Variants in DNAJB14 observed in about 807,000 individuals in gnomAD.
DNAJB14 encodes the protein DnaJ heat shock protein family (Hsp40) member B14, also known as dnaJ homolog subfamily B member 14.
In DNAJB14, 22 loss-of-function variants were observed where a neutral mutation model predicts 48.4. The observed-to-expected ratio is 0.45, with a 90% CI of 0.32 to 0.65. The LOEUF (loss-of-function observed/expected upper bound fraction) is 0.65. Among genes scored for constraint, DNAJB14 ranks in the 30% least tolerant of loss-of-function variants. The pLI, the probability that DNAJB14 is intolerant of heterozygous loss-of-function variation, is 0.03. For synonymous variants in DNAJB14, 142 were observed against 158.7 expected, an observed-to-expected ratio of 0.89 and a Z score of 0.79; for missense variants, 319 against 458.8, an observed-to-expected ratio of 0.70 and a Z score of 2.78.
At chr4:99,917,935 C>A (rs373835489) in intron 3 of DNAJB14, among the ~76,000 whole-genome samples, 1 of 152,090 alleles carries the variant, frequency 6.6e-6, no homozygotes, top group East Asian at 1.9e-4. Context: ...AGTTTGACAA[C>A]GATGTGTCTT....
intron 7 of DNAJB14, 64 bp downstream of exon 7, chr4:99,903,662 C>A: frequency 1.3e-6 from 2 of 1,493,144 alleles, no homozygotes; most frequent in Non-Finnish European, 1.8e-6. Flanking sequence ...ATAGGGAAAT[C>A]TACATTAATC....
chr4:99,899,211 A>T lies in DNAJB14; in HGVS notation c.*1817T>A, dbSNP rs1467562793. 1 of 151,964 alleles carries T rather than the reference A, an allele frequency of 6.6e-6. No individual in the cohort carries two copies. The highest frequency in any genetic ancestry group is 1.9e-4 in the East Asian group (1 of 5,204). The allele number at this position is 151,964 out of a possible 1,614,324, so 9.4% of individuals were successfully genotyped here. ...AGTTCACAGAATTATCAGCCATAAT[A>T]GTGTAAATTTGCCATTAAAATTAGA... On this transcript the variant is annotated 3_prime_UTR_variant, in exon 8 of 8. Transcript: ENST00000442697.
At chr4:99,934,352 A>G (rs1234505186) in intron 1 of DNAJB14, among the ~76,000 whole-genome samples, 4 of 152,238 alleles carry the variant, frequency 2.6e-5, no homozygotes, top group Non-Finnish European at 2.9e-5. Context: ...AAAAAGGATG[A>G]GTATGAATTA....
intron 1 of DNAJB14, among the ~76,000 whole-genome samples, chr4:99,930,822 G>C (rs1326461941): frequency 6.6e-6 from 1 of 152,126 alleles, no homozygotes; most frequent in Non-Finnish European, 1.5e-5. Flanking sequence ...AGAATGTTAA[G>C]TTAAAGCTAG....
rs189945637 is a variant in DNAJB14 at position 99,897,615 on chromosome 4, T to G, written c.*3413A>C. ...AGACAAGTTTCTTTTCATTGGTTTA[T>G]AGGGAATTTTATGGATTTTAACTAG... On this transcript the variant is annotated 3_prime_UTR_variant, in exon 8 of 8. Transcript: ENST00000442697. 6.6e-6 allele frequency: 1 copy of G among 152,010 alleles called. No individual in the cohort carries two copies. The highest frequency in any genetic ancestry group is 2.4e-5 in the African/African-American group (1 of 41,440). 9.4% of individuals were successfully genotyped at this position (152,010 alleles called of 1,614,324 possible).
At chr4:99,922,866 T>G in intron 3 of DNAJB14, 174 bp downstream of exon 3, 1 of 639,280 alleles carries the variant, frequency 1.6e-6, no homozygotes, top group Non-Finnish European at 2.5e-6. Context: ...CAAACTGCAT[T>G]TGTTTGCCTT....
At chr4:99,911,361 T>C (rs1725654877) in intron 3 of DNAJB14, among the ~76,000 whole-genome samples, 1 of 152,220 alleles carries the variant, frequency 6.6e-6, no homozygotes, top group Admixed American at 6.5e-5. Context: ...TATATTCATG[T>C]ACAGGATTAG....
intron 1 of DNAJB14, among the ~76,000 whole-genome samples, chr4:99,945,685 T>C (rs1205316312): frequency 3.3e-5 from 5 of 152,246 alleles, no homozygotes; most frequent in African/African-American, 9.6e-5. Context: ...ATGCAAAATG[T>C]TGGGCACAAC....
Position 99,906,518 on chromosome 4 carries a change from TCTC to T in DNAJB14, c.728_730del (p.Gly243del), listed in dbSNP as rs758483248. Reference sequence around the variant, plus strand: ...TGTGATTTCTAGTCATAAACGTACATCTCCTCTTTCCTCTTCTCTTTCATGTCC... The same window carrying T: ...TGTGATTTCTAGTCATAAACGTACATCTCTTTCCTCTTCTCTTTCATGTCC... On this transcript the variant is annotated inframe_deletion and splice_region_variant, in exon 5 of 8. Coordinates refer to ENST00000442697, the MANE Select transcript of DNAJB14 (RefSeq NM_001031723.4). 2 of 1,610,744 alleles carry T rather than the reference TCTC, an allele frequency of 1.2e-6. No homozygotes were observed. The highest frequency in any genetic ancestry group is 1.7e-6 in the Non-Finnish European group (2 of 1,179,322).
rs569575840 is a variant in DNAJB14, at chr4:99,933,252, A to T, written c.134-2631T>A. The stretch of plus-strand genomic sequence containing the variant: ...AGTATGTATATATATACACACACTC[A>T]ACTAGGTACCAATCTAATCAGTTAT... On this transcript the variant is annotated intron_variant, in intron 1 of 7. Transcript: ENST00000442697. Among the ~76,000 whole-genome samples, 5 of 151,934 alleles carry T rather than the reference A, an allele frequency of 3.3e-5. No homozygotes were observed. The South Asian group carries it at 1.0e-3, about 32-fold the overall frequency.
rs1245623054 is a variant in DNAJB14 at position 99,911,021 on chromosome 4, ACTC to A, written c.452-2128_452-2126del. Among the ~76,000 whole-genome samples the A allele has an allele frequency of 1.7e-4, 26 of 150,900 alleles. No homozygotes were observed. The East Asian group carries it at 3.9e-3, about 23-fold the overall frequency. Reference sequence around the variant, plus strand: ...TGTTGCTCTTTCATAACCACATCCAACTCCTCCTCCCTCCCTTCCCAACCCCTG... The same window carrying A: ...TGTTGCTCTTTCATAACCACATCCAACTCCTCCCTCCCTTCCCAACCCCTG... On this transcript the variant is annotated intron_variant, in intron 3 of 7. Transcript: ENST00000442697.
intron 1 of DNAJB14, among the ~76,000 whole-genome samples, chr4:99,935,015 A>G (rs2110219779): frequency 6.6e-6 from 1 of 151,932 alleles, no homozygotes; most frequent in African/African-American, 2.4e-5. Flanking sequence ...AAAAGACAAA[A>G]AAATTTCAAG....
intron 3 of DNAJB14, among the ~76,000 whole-genome samples, chr4:99,918,840 C>T (rs1264792776): frequency 6.6e-6 from 1 of 152,156 alleles, no homozygotes; most frequent in Non-Finnish European, 1.5e-5. Flanking sequence ...ATGATACTAC[C>T]CTAGCAGGGA....
At chr4:99,927,531 G>A (rs1229135172) in intron 2 of DNAJB14, 1 of 152,008 alleles carries the variant, frequency 6.6e-6, no homozygotes, top group Non-Finnish European at 1.5e-5. Context: ...ATTTCACACT[G>A]ATCTTGTAAA....
intron 3 of DNAJB14, among the ~76,000 whole-genome samples, chr4:99,916,913 T>A (rs1725877415): frequency 6.6e-6 from 1 of 152,078 alleles, no homozygotes; most frequent in Non-Finnish European, 1.5e-5. Flanking sequence ...GGCGGATGGA[T>A]CATGCAATCG....
chr4:99,918,921 C>G (rs968713882), intron 3 of DNAJB14, among the ~76,000 whole-genome samples: 4 of 152,260 alleles, frequency 2.6e-5, no homozygotes, highest in East Asian at 3.9e-4. Context: ...ATGAGGGAAG[C>G]CTTTCTTACT....
intron 1 of DNAJB14, chr4:99,942,664 G>A (rs891625770): frequency 4.6e-5 from 7 of 151,924 alleles, no homozygotes; most frequent in African/African-American, 1.2e-4. Flanking sequence ...AGATCCATTT[G>A]GGGATTAAGT....
At chr4:99,931,185 A>T (rs570182483) in intron 1 of DNAJB14, among the ~76,000 whole-genome samples, 1 of 152,346 alleles carries the variant, frequency 6.6e-6, no homozygotes, top group Admixed American at 6.5e-5. Flanking sequence ...GCAAAAGGAA[A>T]ACATTTACAG....
chr4:99,930,513 C>A lies in DNAJB14; in HGVS notation c.242G>T (p.Ser81Ile), dbSNP rs780468085. Residue 81 changes from serine (S) to isoleucine (I), a missense_variant, in exon 2 of 8, where the codon AGC (serine) becomes ATC (isoleucine). Physicochemically the swap from Ser to Ile is moderately radical, Grantham distance 142. Coordinates refer to ENST00000442697, the MANE Select transcript of DNAJB14 (RefSeq NM_001031723.4). ...DQSKPNCTKD[S>I]TSGSGEGGKG... is the part of the protein sequence containing the mutation. Reference sequence around the variant, plus strand: ...TCCACCTTCACCACTACCAGATGTGCTGTCCTTTGTGCAATTAGGCTTGCT... The same window carrying A: ...TCCACCTTCACCACTACCAGATGTGATGTCCTTTGTGCAATTAGGCTTGCT... The A allele has an allele frequency of 2.5e-6, 4 of 1,612,766 alleles. No individual in the cohort carries two copies. The highest frequency in any genetic ancestry group is 3.4e-6 in the Non-Finnish European group (4 of 1,179,246).
Sources: gnomAD v4.1 joint callset for allele counts (sites outside exome capture counted in the v4.1 genomes callset) on GRCh38, gnomAD v4.1.1 for gene constraint, MANE v1.5 for transcripts, NCBI Gene and HGNC (gene_info 2026-07-23, HGNC 2026-07-21) for gene names.